The following PTPRO variants were observed in gnomAD, a reference collection of about 807,000 sequenced individuals.
The protein encoded by PTPRO is protein tyrosine phosphatase receptor type O, also known as receptor-type tyrosine-protein phosphatase O.
PTPRO carries 62 observed loss-of-function variants against 145.2 expected under a neutral mutation model. That is an observed-to-expected ratio of 0.43 (90% CI 0.35 to 0.53). PTPRO has a LOEUF of 0.53. Among genes scored for constraint, PTPRO ranks in the 20% least tolerant of loss-of-function variants. PTPRO has a pLI of 0.01. For missense variants in PTPRO, 1,345 were observed against 1,482.7 expected, an observed-to-expected ratio of 0.91 and a Z score of 1.53; for synonymous variants, 565 against 514.7, an observed-to-expected ratio of 1.10 and a Z score of -1.32.
intron 1 of PTPRO, among the ~76,000 whole-genome samples, chr12:15,465,897 C>A (rs1032546422): frequency 4.6e-5 from 7 of 152,074 alleles, no homozygotes; most frequent in Admixed American, 3.3e-4. Context: ...GAATAAGAAA[C>A]CCCATGGTTT....
chr12:15,452,030 A>T (rs1941059459), intron 1 of PTPRO, among the ~76,000 whole-genome samples: 1 of 152,148 alleles, frequency 6.6e-6, no homozygotes, highest in Non-Finnish European at 1.5e-5. Context: ...ACAAAAAAGC[A>T]TGCAAAAGAT....
chr12:15,388,203 C>G (rs76217216), intron 1 of PTPRO, among the ~76,000 whole-genome samples: 22,066 of 151,780 alleles, frequency 0.15, 3,595 homozygotes, highest in African/African-American at 0.4. Context: ...TGATTAATTT[C>G]CATCGTGTTA....
intron 18 of PTPRO, among the ~76,000 whole-genome samples, chr12:15,567,453 C>T (rs1194746572): frequency 6.6e-6 from 1 of 151,814 alleles, no homozygotes; most frequent in East Asian, 1.9e-4. Context: ...TTTTCTTCTC[C>T]TTGTCATTCT....
intron 1 of PTPRO, chr12:15,440,183 G>T: frequency 1.4e-6 from 1 of 690,470 alleles, no homozygotes. Context: ...TGGTATCAAT[G>T]ACTGCTACAC....
At chr12:15,399,189 G>A (rs1445776042) in intron 1 of PTPRO, among the ~76,000 whole-genome samples, 1 of 152,150 alleles carries the variant, frequency 6.6e-6, no homozygotes, top group Non-Finnish European at 1.5e-5. Context: ...GGTACTTTGA[G>A]CACTACTCCA....
At chr12:15,400,580 A>G (rs532310483) in intron 1 of PTPRO, among the ~76,000 whole-genome samples, 28 of 152,062 alleles carry the variant, frequency 1.8e-4, no homozygotes, top group African/African-American at 6.0e-4. Flanking sequence ...ACAGTCTCCA[A>G]CTCCTCCAAC....
intron 1 of PTPRO, among the ~76,000 whole-genome samples, chr12:15,379,336 T>C (rs1447054823): frequency 2.7e-5 from 4 of 146,690 alleles, no homozygotes; most frequent in Non-Finnish European, 6.0e-5. Flanking sequence ...CTTGCCAACA[T>C]GGTGAAACCC....
At chr12:15,499,205 T>C (rs1418504910) in intron 3 of PTPRO, among the ~76,000 whole-genome samples, 1 of 152,198 alleles carries the variant, frequency 6.6e-6, no homozygotes, top group Non-Finnish European at 1.5e-5. Flanking sequence ...CACAAAAAGG[T>C]TAACTCCAAT....
intron 5 of PTPRO, 121 bp from the exon 6 acceptor site, chr12:15,503,787 A>G (rs1435032506): frequency 1.4e-6 from 1 of 709,102 alleles, no homozygotes; most frequent in African/African-American, 1.8e-5. Flanking sequence ...GGTGTAATTG[A>G]ACTTGACAAA....
chr12:15,402,673 A>T (rs962378951), intron 1 of PTPRO, among the ~76,000 whole-genome samples: 3 of 152,116 alleles, frequency 2.0e-5, no homozygotes, highest in African/African-American at 7.2e-5. Context: ...CTACATAATC[A>T]GGGTGACAAA....
chr12:15,362,448 A>G (rs567038068), intron 1 of PTPRO, among the ~76,000 whole-genome samples: 4 of 152,134 alleles, frequency 2.6e-5, no homozygotes, highest in Non-Finnish European at 5.9e-5. Flanking sequence ...AAGTTCATCT[A>G]TTTCTTAATG....
chr12:15,529,978 C>T (rs1308712412), intron 12 of PTPRO, among the ~76,000 whole-genome samples: 1 of 152,136 alleles, frequency 6.6e-6, no homozygotes, highest in Non-Finnish European at 1.5e-5. Flanking sequence ...TTGAGAAACC[C>T]ACTTCACCTG....
At chr12:15,529,721 G>A (rs1942920595) in intron 12 of PTPRO, among the ~76,000 whole-genome samples, 1 of 152,152 alleles carries the variant, frequency 6.6e-6, no homozygotes, top group Admixed American at 6.5e-5. Flanking sequence ...GGTAACCACA[G>A]CACAAAATCA....
intron 12 of PTPRO, among the ~76,000 whole-genome samples, chr12:15,534,828 A>T (rs1943034445): frequency 6.6e-6 from 1 of 152,252 alleles, no homozygotes; most frequent in Non-Finnish European, 1.5e-5. Context: ...GGATTATTGT[A>T]TCAACAATGA....
intron 1 of PTPRO, among the ~76,000 whole-genome samples, chr12:15,461,159 C>A (rs752248231): frequency 3.3e-5 from 5 of 152,138 alleles, no homozygotes; most frequent in Admixed American, 6.5e-5. Context: ...CAAATAAGAA[C>A]TTTGGTCTCC....
At chr12:15,434,387 T>C (rs1004432824) in intron 1 of PTPRO, among the ~76,000 whole-genome samples, 10 of 152,180 alleles carry the variant, frequency 6.6e-5, no homozygotes, top group African/African-American at 2.4e-4. Flanking sequence ...GGCATGTTTC[T>C]CATATAAGTA....
chr12:15,475,158 T>G (rs1041859492), intron 1 of PTPRO, among the ~76,000 whole-genome samples: 2 of 152,216 alleles, frequency 1.3e-5, no homozygotes, highest in Non-Finnish European at 2.9e-5. Flanking sequence ...CAAAATTGAG[T>G]CTATTTACTC....
At chr12:15,462,053 C>T (rs573515701) in intron 1 of PTPRO, among the ~76,000 whole-genome samples, 3 of 152,278 alleles carry the variant, frequency 2.0e-5, no homozygotes, top group South Asian at 4.1e-4. Context: ...TCCCTAACCA[C>T]ACTGCTACTT....
At position 15,580,119 on chromosome 12, in the gene PTPRO, A is replaced by C; in HGVS notation, c.2997+4A>C. 1 of 1,608,678 alleles carries C rather than the reference A, an allele frequency of 6.2e-7. No homozygotes were observed. Among genetic ancestry groups the C allele is most frequent in the Non-Finnish European group, 8.5e-7 (1 of 1,177,086 alleles). ...CATCAATGCCAACTATATTCCTGTA[A>C]GTAGAAAAAAAAAATCAGGCATCCC... On this transcript the variant is annotated splice_donor_region_variant and intron_variant, in intron 21 of 26. Transcript: ENST00000281171.
Sources: allele counts gnomAD v4.1 joint callset (sites outside exome capture counted in the v4.1 genomes callset), GRCh38; gene constraint gnomAD v4.1.1; transcripts MANE v1.5; gene names NCBI Gene and HGNC (gene_info 2026-07-23, HGNC 2026-07-21).